EMC3: variants seen among roughly 807,000 people sequenced by gnomAD.
EMC3 encodes the protein ER membrane protein complex subunit 3, also known as 30 kDa protein.
In EMC3, 13 loss-of-function variants were observed where a neutral mutation model predicts 36.6. The observed-to-expected ratio is 0.35, with a 90% CI of 0.23 to 0.56. The LOEUF is 0.56. Among genes scored for constraint, EMC3 ranks in the 20% least tolerant of loss-of-function variants. The pLI is 0.84. For missense variants in EMC3, 220 were observed against 324.5 expected (o/e 0.68, Z 2.47); for synonymous variants, 120 against 111.9 (o/e 1.07, Z -0.46).
upstream of EMC3, chr3:9,987,694 T>C (rs1260024971): frequency 2.8e-6 from 1 of 359,718 alleles, no homozygotes; most frequent in East Asian, 6.2e-5. Flanking sequence ...ATTTACTCTT[T>C]CTGTGTAGTA....
At chr3:10,003,532 T>C (rs1219320320) in intron 1 of EMC3, 2 of 298,822 alleles carry the variant, frequency 6.7e-6, no homozygotes, top group Non-Finnish European at 1.3e-5. Context: ...GACCAGGAGC[T>C]CCAGAACTGT....
At chr3:9,984,290 C>CA (rs1217938447) in intron 1 of EMC3, among the ~76,000 whole-genome samples, 1 of 151,670 alleles carries the variant, frequency 6.6e-6, no homozygotes, top group East Asian at 1.9e-4. Flanking sequence ...CCATGTTGGC[C>CA]AGGATGGTCT....
intron 6 of EMC3, 117 bp from the exon 7 acceptor site, chr3:9,969,918 C>T: frequency 6.8e-7 from 1 of 1,465,810 alleles, no homozygotes; most frequent in Non-Finnish European, 9.0e-7. Flanking sequence ...ACTGGCTGGC[C>T]CTGTCACCCA....
chr3:9,989,539 G>C (rs1454997504), upstream of EMC3, among the ~76,000 whole-genome samples: 1 of 152,164 alleles, frequency 6.6e-6, no homozygotes, highest in Non-Finnish European at 1.5e-5. Flanking sequence ...ATTTTTCTTT[G>C]GTTGGAATCT....
At chr3:9,997,604 C>T (rs957891859) in intron 1 of EMC3, among the ~76,000 whole-genome samples, 1 of 152,074 alleles carries the variant, frequency 6.6e-6, no homozygotes, top group African/African-American at 2.4e-5. Flanking sequence ...TGATTACAGG[C>T]GTGCACCACC....
chr3:9,973,980 T>C (rs1022714020), intron 4 of EMC3, among the ~76,000 whole-genome samples: 1 of 152,146 alleles, frequency 6.6e-6, no homozygotes, highest in Non-Finnish European at 1.5e-5. Context: ...CAGCAAACTG[T>C]CAAACTCTAA....
chr3:9,998,397 A>AATAAT (rs1181537281), intron 1 of EMC3, among the ~76,000 whole-genome samples: 1 of 145,996 alleles, frequency 6.8e-6, no homozygotes, highest in Non-Finnish European at 1.5e-5. Flanking sequence ...TAATAATAAT[A>AATAAT]ATAATAATAA....
intron 4 of EMC3, among the ~76,000 whole-genome samples, chr3:9,974,077 C>A (rs1408159905): frequency 6.6e-6 from 1 of 152,174 alleles, no homozygotes; most frequent in Non-Finnish European, 1.5e-5. Context: ...AAAACTCACC[C>A]TAACATCTAG....
chr3:9,995,358 G>A (rs1421316180), intron 1 of EMC3, among the ~76,000 whole-genome samples: 4 of 152,002 alleles, frequency 2.6e-5, no homozygotes, highest in African/African-American at 2.4e-5. Context: ...GAAAAAGAAA[G>A]AGGAAAACTA....
chr3:9,973,857 A>C (rs1236792822), intron 4 of EMC3, 148 bp from the exon 5 acceptor site: 7 of 722,824 alleles, frequency 9.7e-6, no homozygotes, highest in Non-Finnish European at 1.7e-5. Context: ...TTCTGAAGAA[A>C]AGACAGTCAA....
intron 1 of EMC3, among the ~76,000 whole-genome samples, chr3:9,998,093 G>A (rs1345931073): frequency 6.6e-6 from 1 of 151,920 alleles, no homozygotes; most frequent in Non-Finnish European, 1.5e-5. Flanking sequence ...ATGGCCGGGC[G>A]CAGTGGCTCA....
chr3:10,008,798 C>T (rs757459209), intron 1 of EMC3: 2 of 242,430 alleles, frequency 8.2e-6, no homozygotes, highest in South Asian at 4.2e-5. Context: ...CCTACTGGAA[C>T]AGGGACCTTG....
upstream of EMC3, among the ~76,000 whole-genome samples, chr3:9,989,161 T>C (rs1405245550): frequency 6.6e-6 from 1 of 152,234 alleles, no homozygotes; most frequent in Non-Finnish European, 1.5e-5. Flanking sequence ...ACTTTGCTCA[T>C]GTAGACCTGA....
rs1274980919 is a variant in EMC3 at position 9,994,270 on chromosome 3, G to T, written c.-241-7368C>A. The T allele has an allele frequency of 3.2e-6, 4 of 1,244,798 alleles. No homozygotes were observed. The African/African-American group carries it at 6.0e-5, about 19-fold the overall frequency. The allele number at this position is 1,244,798 out of a possible 1,614,324, so 77.1% of individuals were successfully genotyped here. On this transcript the variant is annotated intron_variant, in intron 1 of 8. Coordinates refer to the EMC3 transcript ENST00000470827. ...CTAGACTAGAGTAGAATTTCATTTG[G>T]CAGTCTCCTATACAAATAATGTGTT... is the stretch of plus-strand genomic sequence containing the variant.
At chr3:9,999,670 C>A (rs536696024) in intron 1 of EMC3, among the ~76,000 whole-genome samples, 1 of 152,198 alleles carries the variant, frequency 6.6e-6, no homozygotes, top group Non-Finnish European at 1.5e-5. Context: ...TTCCCAATCA[C>A]AAATACGCAG....
At chr3:9,972,462 GA>G (rs34891720) in intron 5 of EMC3, among the ~76,000 whole-genome samples, 1,719 of 90,692 alleles carry the variant, frequency 0.019, 17 homozygotes, top group Non-Finnish European at 0.033. Context: ...GAGTTTCAAT[GA>G]AAAAAAAAAA....
chr3:9,971,274 G>A (rs2085783218), intron 5 of EMC3, among the ~76,000 whole-genome samples: 3 of 152,136 alleles, frequency 2.0e-5, no homozygotes, highest in South Asian at 4.1e-4. Context: ...CAGTACCGAG[G>A]ACTATAGCTA....
chr3:9,968,163 G>T (rs1253782172), intron 7 of EMC3, among the ~76,000 whole-genome samples: 1 of 152,154 alleles, frequency 6.6e-6, no homozygotes, highest in Non-Finnish European at 1.5e-5. Flanking sequence ...GTTGTGATCT[G>T]CCCACCTCAG....
At position 9,974,503 on chromosome 3, in the gene EMC3, C is replaced by G. The variant is rs1304788273; in HGVS notation, c.308-15G>C. On this transcript the variant is annotated splice_polypyrimidine_tract_variant and intron_variant, in intron 3 of 7. Coordinates refer to ENST00000245046, the MANE Select transcript of EMC3 (RefSeq NM_001394674.1). ...CATAGTAGGATCTAAGACAAAAGCACAAACAAGAAACCACTAAGTTTTACC... is the reference window on the plus strand; with the variant it reads ...CATAGTAGGATCTAAGACAAAAGCAGAAACAAGAAACCACTAAGTTTTACC... 2 of 1,551,582 alleles carry G rather than the reference C, an allele frequency of 1.3e-6. No individual in the cohort carries two copies. The highest frequency in any genetic ancestry group is 3.4e-5 in the Admixed American group (2 of 59,660).
Sources: allele counts gnomAD v4.1 joint callset (sites outside exome capture counted in the v4.1 genomes callset), GRCh38; gene constraint gnomAD v4.1.1; transcripts MANE v1.5; gene names NCBI Gene and HGNC (gene_info 2026-07-23, HGNC 2026-07-21).